The following TENM2 variants were observed in gnomAD, a reference collection of about 807,000 sequenced individuals.
TENM2 encodes the protein teneurin transmembrane protein 2.
TENM2 carries 52 observed loss-of-function variants against 245.2 expected under a neutral mutation model. The observed-to-expected ratio is 0.21, with a 90% CI of 0.17 to 0.27. The LOEUF (loss-of-function observed/expected upper bound fraction) is 0.27. Among genes scored for constraint, TENM2 ranks in the 10% least tolerant of loss-of-function variants. TENM2 has a pLI of 1.00. For synonymous variants in TENM2, 1,363 were observed against 1,438.9 expected (o/e 0.95, Z 1.19); for missense variants, 3,046 against 3,666.8 (o/e 0.83, Z 4.37).
chr5:167,953,988 TG>T (rs1780328644), intron 4 of TENM2, among the ~76,000 whole-genome samples: 1 of 152,202 alleles, frequency 6.6e-6, no homozygotes, highest in Admixed American at 6.5e-5. Context: ...AAAGAATTTT[TG>T]CTTTATTAAG....
intron 2 of TENM2, among the ~76,000 whole-genome samples, chr5:167,408,549 A>G (rs1312971553): frequency 6.6e-6 from 1 of 152,032 alleles, no homozygotes; most frequent in Non-Finnish European, 1.5e-5. Context: ...TCAATAAGTG[A>G]CTTCTGATAA....
At chr5:167,085,771 A>G in the TENM2 span, among the ~76,000 whole-genome samples, 4 of 152,192 alleles carry the variant, frequency 2.6e-5, no homozygotes, top group Admixed American at 6.5e-5. Context: ...ATTAAACTCT[A>G]TAATAAATAA....
chr5:167,115,419 TCTC>T, the TENM2 span, among the ~76,000 whole-genome samples: 5 of 152,364 alleles, frequency 3.3e-5, no homozygotes, highest in South Asian at 4.1e-4. Context: ...CCCTGGGTTT[TCTC>T]CTTAAAATCC....
chr5:167,682,709 A>G (rs1322199795), intron 2 of TENM2, among the ~76,000 whole-genome samples: 2 of 151,814 alleles, frequency 1.3e-5, no homozygotes, highest in African/African-American at 4.8e-5. Context: ...CCTGCCATTC[A>G]CCTCCTGCTG....
rs1581162417 is a variant in TENM2, at chr5:168,049,659, T to G, written c.1309+2110T>G. 2.0e-5 allele frequency among the ~76,000 whole-genome samples: 3 copies of G among 152,350 alleles called. No individual in the cohort carries two copies. The South Asian group carries it at 6.2e-4, about 32-fold the overall frequency. Reference sequence around the variant, plus strand: ...TCTAAATTAACAAATGAAGAAACACTTTCCATTGTGTCTTTGGAAAGACCA... The same window carrying G: ...TCTAAATTAACAAATGAAGAAACACGTTCCATTGTGTCTTTGGAAAGACCA... On this transcript the variant is annotated intron_variant, in intron 6 of 28. Coordinates refer to ENST00000518659, the Ensembl canonical transcript of TENM2.
the TENM2 span, among the ~76,000 whole-genome samples, chr5:167,152,823 C>T: frequency 6.6e-6 from 1 of 152,130 alleles, no homozygotes; most frequent in Non-Finnish European, 1.5e-5. Flanking sequence ...TATCAGAATA[C>T]TCAGAATAGT....
chr5:167,606,312 G>C (rs1233524478), intron 2 of TENM2, among the ~76,000 whole-genome samples: 1 of 152,102 alleles, frequency 6.6e-6, no homozygotes, highest in Non-Finnish European at 1.5e-5. Context: ...CTGAGATCAG[G>C]GTGCCAGCAT....
chr5:167,317,969 C>T (rs1439841627), intron 1 of TENM2, among the ~76,000 whole-genome samples: 2 of 152,196 alleles, frequency 1.3e-5, no homozygotes, highest in African/African-American at 4.8e-5. Flanking sequence ...CATAGATTAA[C>T]TTCAGCATCA....
At chr5:167,780,331 C>T (rs1415050211) in intron 2 of TENM2, among the ~76,000 whole-genome samples, 2 of 152,192 alleles carry the variant, frequency 1.3e-5, no homozygotes, top group Admixed American at 6.5e-5. Context: ...TGCAGGCATG[C>T]ACAGAGCGGT....
In TENM2 at chr5:167,898,213, A is replaced by T. The variant is rs201963268; in HGVS notation, c.712+22018A>T. Among the ~76,000 whole-genome samples the T allele has an allele frequency of 7.9e-5, 12 of 152,262 alleles. No homozygotes were observed. The East Asian group carries it at 2.3e-3, about 29-fold the overall frequency. ...CTCAAATTTTGGTCCTCACAGACAA[A>T]CAACATCACCAGCTCCTGGAAACTA... On this transcript the variant is annotated intron_variant, in intron 3 of 28. Transcript: ENST00000518659.
chr5:167,365,147 C>G (rs948828635), intron 1 of TENM2, among the ~76,000 whole-genome samples: 2 of 151,980 alleles, frequency 1.3e-5, no homozygotes, highest in African/African-American at 2.4e-5. Context: ...ATCAATCAGA[C>G]AAGTCCCAGA....
chr5:167,571,414 A>G (rs964383109), intron 2 of TENM2, among the ~76,000 whole-genome samples: 11 of 152,224 alleles, frequency 7.2e-5, no homozygotes, highest in African/African-American at 2.7e-4. Flanking sequence ...ATATGAATGT[A>G]AAGCTCTCCC....
At chr5:167,305,761 G>C (rs1041115324) in intron 1 of TENM2, among the ~76,000 whole-genome samples, 1 of 152,204 alleles carries the variant, frequency 6.6e-6, no homozygotes, top group Non-Finnish European at 1.5e-5. Flanking sequence ...TTATTTCATA[G>C]AGGTTTTGTT....
chr5:167,167,985 G>A, the TENM2 span, among the ~76,000 whole-genome samples: 1 of 152,152 alleles, frequency 6.6e-6, no homozygotes, highest in African/African-American at 2.4e-5. Context: ...TAATTGCAGA[G>A]GGAGGGCAGC....
intron 2 of TENM2, among the ~76,000 whole-genome samples, chr5:167,796,349 C>A (rs137981302): frequency 5.9e-5 from 9 of 152,290 alleles, no homozygotes; most frequent in African/African-American, 2.2e-4. Context: ...GCAGCTTTAA[C>A]TCAATCTTCT....
the TENM2 span, among the ~76,000 whole-genome samples, chr5:167,031,781 T>C: frequency 6.6e-6 from 1 of 152,186 alleles, no homozygotes; most frequent in South Asian, 2.1e-4. Flanking sequence ...GTCGGGCTGG[T>C]CTCGAACTCC....
chr5:167,593,984 C>A (rs887589628), intron 2 of TENM2, among the ~76,000 whole-genome samples: 4 of 152,124 alleles, frequency 2.6e-5, no homozygotes, highest in Non-Finnish European at 5.9e-5. Flanking sequence ...GACTGAGGTA[C>A]CTGTCTTTGC....
At chr5:168,007,164 T>G (rs1200238130) in intron 5 of TENM2, among the ~76,000 whole-genome samples, 1 of 151,992 alleles carries the variant, frequency 6.6e-6, no homozygotes, top group African/African-American at 2.4e-5. Context: ...TCTCACTCTG[T>G]CACCCAGGCT....
the TENM2 span, among the ~76,000 whole-genome samples, chr5:167,143,489 A>T: frequency 1.3e-5 from 2 of 152,078 alleles, no homozygotes; most frequent in Non-Finnish European, 2.9e-5. Flanking sequence ...GAAATCTGTT[A>T]TCTCATGTAT....
Sources: allele counts gnomAD v4.1 joint callset (sites outside exome capture counted in the v4.1 genomes callset), GRCh38; gene constraint gnomAD v4.1.1; transcripts MANE v1.5; gene names NCBI Gene and HGNC (gene_info 2026-07-23, HGNC 2026-07-21).